Variants in MGAM observed in about 807,000 individuals in gnomAD.
MGAM encodes alpha-1,4-glucosidase.
In MGAM, 253 loss-of-function variants were observed where a neutral mutation model predicts 358.8. The observed-to-expected ratio is 0.71, with a 90% CI of 0.64 to 0.78. The LOEUF (loss-of-function observed/expected upper bound fraction) is 0.78. Ranked by LOEUF, MGAM falls within the 30% of genes least tolerant of loss-of-function variation. The pLI is 0.00. For synonymous variants in MGAM, 1,105 were observed against 1,227.1 expected, an observed-to-expected ratio of 0.90 and a Z score of 2.08; for missense variants, 3,080 against 3,432.6, an observed-to-expected ratio of 0.90 and a Z score of 2.57.
At position 142,021,097 on chromosome 7, in the gene MGAM, T is replaced by A. The variant is rs1554458603; in HGVS notation, c.558+14T>A. The A allele has an allele frequency of 4.5e-6, 7 of 1,564,896 alleles. No homozygotes were observed. Among genetic ancestry groups the A allele is most frequent in the Non-Finnish European group, 6.1e-6 (7 of 1,153,496 alleles). On this transcript the variant is annotated intron_variant, in intron 5 of 70. Transcript: ENST00000475668. ...TTCCACTTTAAGGTTGTAATTTGTT[T>A]ATTTTTTTTTAAGTTTTTTTGAGAG...
At position 142,068,537 on chromosome 7, in the gene MGAM, G is replaced by A; in HGVS notation, c.5005-110G>A. On this transcript the variant is annotated intron_variant, in intron 42 of 70. Transcript: ENST00000475668. ...AGTTGTTAACCTCTTGGGACATGAG[G>A]CAGCTGGGTCCAAAGCCATCACAAT... 6 of 866,428 alleles carry A rather than the reference G, an allele frequency of 6.9e-6. 1 individual carries two copies. Among genetic ancestry groups the A allele is most frequent in the Non-Finnish European group, 1.1e-5 (6 of 539,846 alleles). The allele number at this position is 866,428 out of a possible 1,614,324, so 53.7% of individuals were successfully genotyped here.
intron 45 of MGAM, among the ~76,000 whole-genome samples, chr7:142,074,687 A>G (rs1038152879): frequency 3.4e-5 from 5 of 146,414 alleles, no homozygotes; most frequent in African/African-American, 1.2e-4. Context: ...AGCCCTTGGA[A>G]GGGAATCTTT....
Position 142,082,042 on chromosome 7 carries a change from T to C in MGAM, c.6003T>C (p.Ile2001=), listed in dbSNP as rs1475346752. 1.3e-6 allele frequency: 2 copies of C among 1,555,106 alleles called. No individual in the cohort carries two copies. Among genetic ancestry groups the C allele is most frequent in the Admixed American group, 1.7e-5 (1 of 58,512 alleles). ...TCAAATCTGCCTTTTTGTGTTTCAGTTGGGACTCTCAGCTCCTTGGCTTCA... is the reference window on the plus strand; with the variant it reads ...TCAAATCTGCCTTTTTGTGTTTCAGCTGGGACTCTCAGCTCCTTGGCTTCA... ...EIRRKSTGTI[I]WDSQLLGFTF... Residue 2001 remains isoleucine (I), a splice_region_variant and synonymous_variant, in exon 51 of 71, where the codon ATT becomes ATC. Coordinates refer to ENST00000475668, the MANE Select transcript of MGAM (RefSeq NM_001365693.1).
chr7:142,060,748 G>A (rs1455751810), intron 34 of MGAM, among the ~76,000 whole-genome samples: 2 of 152,202 alleles, frequency 1.3e-5, no homozygotes, highest in Non-Finnish European at 2.9e-5. Flanking sequence ...ACTTACTGTT[G>A]TTGCCTCGGT....
chr7:142,088,904 T>C (rs1815089762), intron 57 of MGAM, among the ~76,000 whole-genome samples: 1 of 143,456 alleles, frequency 7.0e-6, no homozygotes, highest in Admixed American at 7.2e-5. Flanking sequence ...CCACTCACCC[T>C]ATCTATCCAA....
chr7:142,044,462 GA>G (rs1393951783), intron 21 of MGAM, among the ~76,000 whole-genome samples: 137 of 132,998 alleles, frequency 1.0e-3, no homozygotes, highest in East Asian at 3.3e-3. Context: ...ATACACATAC[GA>G]TATATGATAT....
rs150924986 is a variant in MGAM at position 142,060,074 on chromosome 7, C to T, written c.4059+108C>T. 4.2e-3 allele frequency: 5,653 copies of T among 1,331,358 alleles called. 80 individuals are homozygous for T. The African/African-American group carries it at 0.066, about 15-fold the overall frequency. 82.5% of individuals were successfully genotyped at this position (1,331,358 alleles called of 1,614,324 possible). On this transcript the variant is annotated intron_variant, in intron 33 of 70. Transcript: ENST00000475668. ...CTGTGTATGTTATTTTTGGCCTTTT[C>T]TATTTGGGCTCTGAGGTCAGAAGCT...
At position 142,019,202 on chromosome 7, in the gene MGAM, A is replaced by G. The variant is rs1806209095; in HGVS notation, c.331A>G (p.Thr111Ala). The part of the protein sequence containing the change: ...CIPDQPPTKA[T>A]CDQRGCCWNP... ...TTTGACTAACCTCTTGTTTCAGGCC[A>G]CATGTGACCAACGTGGCTGTTGCTG... The change falls in exon 4 of 71, where the codon ACA becomes GCA. Residue 111 changes from threonine (T) to alanine (A), a missense_variant. Thr to Ala is a moderately conservative substitution (Grantham distance 58). Transcript: ENST00000475668. 3 of 1,613,082 alleles carry G rather than the reference A, an allele frequency of 1.9e-6. No homozygotes were observed. Among genetic ancestry groups the G allele is most frequent in the East Asian group, 2.2e-5 (1 of 44,848 alleles).
rs782227878 is a variant in MGAM at position 142,030,350 on chromosome 7, A to G, written c.1222-12A>G. The stretch of plus-strand genomic sequence containing the variant: ...CCTAGGTGCTAATTGTGGACTTTGT[A>G]TATTCTTTCAGGATGTTCAGCATGC... On this transcript the variant is annotated splice_polypyrimidine_tract_variant and intron_variant, in intron 10 of 70. Coordinates refer to ENST00000475668, the MANE Select transcript of MGAM (RefSeq NM_001365693.1). 3.1e-6 allele frequency: 5 copies of G among 1,611,254 alleles called. No individual in the cohort carries two copies. The highest frequency in any genetic ancestry group is 4.2e-6 in the Non-Finnish European group (5 of 1,178,830).
chr7:142,032,432 A>G (rs1807591208), intron 13 of MGAM, among the ~76,000 whole-genome samples: 1 of 152,170 alleles, frequency 6.6e-6, no homozygotes, highest in African/African-American at 2.4e-5. Flanking sequence ...GCATCTTTCT[A>G]GACCTTTATG....
chr7:142,047,514 C>G (rs563095984), intron 21 of MGAM, among the ~76,000 whole-genome samples: 5 of 152,212 alleles, frequency 3.3e-5, no homozygotes, highest in African/African-American at 1.2e-4. Flanking sequence ...GCAGAAGCAG[C>G]TTTTATTTGA....
intron 12 of MGAM, 60 bp from the exon 13 acceptor site, chr7:142,031,620 T>C: frequency 8.4e-7 from 1 of 1,184,978 alleles, no homozygotes; most frequent in Non-Finnish European, 1.2e-6. Flanking sequence ...GCAAAGTACT[T>C]TCCTTTAGTC....
Position 142,066,455 on chromosome 7 carries a change from A to G in MGAM, c.4771-118A>G, listed in dbSNP as rs557920889. On this transcript the variant is annotated intron_variant, in intron 40 of 70. Transcript: ENST00000475668. ...TAAGAATATTCTCTGGGCCTCATGT[A>G]TAGTTTTCTTTTGTTTAGCTGTGAG... 281 of 1,185,940 alleles carry G rather than the reference A, an allele frequency of 2.4e-4. 26 individuals are homozygous for G. The highest frequency in any genetic ancestry group is 3.1e-4 in the Non-Finnish European group (264 of 838,884). 73.5% of individuals were successfully genotyped at this position (1,185,940 alleles called of 1,614,324 possible).
intron 34 of MGAM, among the ~76,000 whole-genome samples, chr7:142,062,045 C>T (rs1377086019): frequency 6.6e-6 from 1 of 152,198 alleles, no homozygotes; most frequent in Non-Finnish European, 1.5e-5. Context: ...ATGTTACACA[C>T]AGCTGTAGTT....
chr7:142,060,051 G>C (rs1811978411), intron 33 of MGAM, 85 bp downstream of exon 33: 1 of 1,380,490 alleles, frequency 7.2e-7, no homozygotes, highest in Middle Eastern at 2.5e-4. Context: ...TCACACGCCT[G>C]TGTATGTTAT....
At chr7:142,022,708 T>A (rs1189474250) in intron 7 of MGAM, among the ~76,000 whole-genome samples, 1 of 152,186 alleles carries the variant, frequency 6.6e-6, no homozygotes, top group African/African-American at 2.4e-5. Flanking sequence ...TCTAGAAGAA[T>A]GGCTGCCAGA....
At chr7:142,047,083 C>T (rs1810472998) in intron 21 of MGAM, among the ~76,000 whole-genome samples, 1 of 152,082 alleles carries the variant, frequency 6.6e-6, no homozygotes, top group Non-Finnish European at 1.5e-5. Flanking sequence ...AGACCAGTGA[C>T]AGAGGAGAAA....
At chr7:142,042,960 T>C (rs1197599900) in intron 21 of MGAM, among the ~76,000 whole-genome samples, 4 of 58,420 alleles carry the variant, frequency 6.8e-5, no homozygotes, top group African/African-American at 2.0e-4. Flanking sequence ...TATATACATA[T>C]AATATCTAAA....
intron 19 of MGAM, among the ~76,000 whole-genome samples, chr7:142,038,973 A>G (rs765964077): frequency 3.3e-5 from 5 of 152,164 alleles, no homozygotes; most frequent in Non-Finnish European, 7.3e-5. Flanking sequence ...TACAAGAAGC[A>G]TGATGCTGGT....
Sources: gnomAD v4.1 joint callset for allele counts (sites outside exome capture counted in the v4.1 genomes callset) on GRCh38, gnomAD v4.1.1 for gene constraint, MANE v1.5 for transcripts, NCBI Gene and HGNC (gene_info 2026-07-23, HGNC 2026-07-21) for gene names.